The following PRKCA variants were observed in gnomAD, a reference collection of about 807,000 sequenced individuals.
The protein encoded by PRKCA is protein kinase C alpha type.
In PRKCA, 27 loss-of-function variants were observed where a neutral mutation model predicts 87.0. The ratio of observed to expected loss-of-function variants is 0.31; its 90% CI spans 0.23 to 0.43. PRKCA has a LOEUF of 0.43. PRKCA is among the 20% of genes least tolerant of loss of function. PRKCA has a pLI of 1.00. For synonymous variants in PRKCA, 329 were observed against 311.1 expected (o/e 1.06, Z -0.61); for missense variants, 518 against 852.3 (o/e 0.61, Z 4.88).
At chr17:66,746,460 C>T (rs974736754) in intron 13 of PRKCA, among the ~76,000 whole-genome samples, 10 of 151,952 alleles carry the variant, frequency 6.6e-5, no homozygotes, top group African/African-American at 9.7e-5. Flanking sequence ...AATAATATTT[C>T]GTGTGGAAAA....
At chr17:66,778,766 G>C (rs552365568) in intron 14 of PRKCA, among the ~76,000 whole-genome samples, 1 of 151,384 alleles carries the variant, frequency 6.6e-6, no homozygotes, top group Non-Finnish European at 1.5e-5. Flanking sequence ...GATCGAGCCC[G>C]GGGGGTCAAG....
At chr17:66,303,322 C>G (rs1055956850) in intron 1 of PRKCA, among the ~76,000 whole-genome samples, 1 of 152,208 alleles carries the variant, frequency 6.6e-6, no homozygotes, top group Non-Finnish European at 1.5e-5. Flanking sequence ...GCGCGCCCAC[C>G]CGCACGCACC....
chr17:66,471,394 T>G (rs1408907708), intron 2 of PRKCA, among the ~76,000 whole-genome samples: 1 of 152,078 alleles, frequency 6.6e-6, no homozygotes, highest in Non-Finnish European at 1.5e-5. Context: ...AATTAGCTTG[T>G]GAAGTCCCTC....
At chr17:66,548,791 C>T (rs1335223498) in intron 3 of PRKCA, among the ~76,000 whole-genome samples, 5 of 142,178 alleles carry the variant, frequency 3.5e-5, no homozygotes, top group Admixed American at 7.3e-5. Flanking sequence ...TAGCGCCTAC[C>T]GAATACGTTT....
At chr17:66,653,874 A>G (rs1461454023) in intron 5 of PRKCA, among the ~76,000 whole-genome samples, 1 of 151,778 alleles carries the variant, frequency 6.6e-6, no homozygotes, top group Non-Finnish European at 1.5e-5. Flanking sequence ...GTCTTTAAAT[A>G]CTGGTAGAGA....
chr17:66,459,092 A>G (rs58134548), intron 2 of PRKCA, among the ~76,000 whole-genome samples: 1 of 151,772 alleles, frequency 6.6e-6, no homozygotes, highest in African/African-American at 2.4e-5. Context: ...AGGGATAATG[A>G]TTGAGCACAC....
intron 3 of PRKCA, among the ~76,000 whole-genome samples, chr17:66,549,445 C>T (rs1533344): frequency 0.11 from 16,196 of 152,198 alleles, 973 homozygotes; most frequent in African/African-American, 0.15. Context: ...TAAGAATCAC[C>T]TGTGGCCCAG....
intron 15 of PRKCA, among the ~76,000 whole-genome samples, chr17:66,788,327 C>T (rs9896575): frequency 0.17 from 25,403 of 152,018 alleles, 3,456 homozygotes; most frequent in African/African-American, 0.37. Flanking sequence ...GTGGGCAAGT[C>T]GGAATTAACT....
intron 3 of PRKCA, among the ~76,000 whole-genome samples, chr17:66,571,075 T>A (rs1455314617): frequency 6.6e-6 from 1 of 152,244 alleles, no homozygotes; most frequent in Non-Finnish European, 1.5e-5. Context: ...AGAGGGGTTC[T>A]AATCGTGTTT....
chr17:66,568,899 T>C (rs997979661), intron 3 of PRKCA, among the ~76,000 whole-genome samples: 1 of 152,156 alleles, frequency 6.6e-6, no homozygotes, highest in Non-Finnish European at 1.5e-5. Context: ...TGGAAACTTT[T>C]TTCTGGGTCA....
At chr17:66,591,153 T>TG (rs1969791433) in intron 3 of PRKCA, among the ~76,000 whole-genome samples, 1 of 152,110 alleles carries the variant, frequency 6.6e-6, no homozygotes, top group Admixed American at 6.6e-5. Flanking sequence ...TTTACAACTT[T>TG]TTGTTGTTGT....
intron 3 of PRKCA, among the ~76,000 whole-genome samples, chr17:66,549,403 T>C (rs1341323876): frequency 6.6e-6 from 1 of 152,168 alleles, no homozygotes; most frequent in Non-Finnish European, 1.5e-5. Flanking sequence ...CTGGTGTAGC[T>C]CAGCAGGTTG....
At chr17:66,549,236 T>G (rs1477237027) in intron 3 of PRKCA, among the ~76,000 whole-genome samples, 1 of 150,706 alleles carries the variant, frequency 6.6e-6, no homozygotes, top group Non-Finnish European at 1.5e-5. Flanking sequence ...CTTAGAGAGA[T>G]GGATTAAGGT....
At chr17:66,685,890 C>T (rs1346963491) in intron 5 of PRKCA, among the ~76,000 whole-genome samples, 1 of 152,220 alleles carries the variant, frequency 6.6e-6, no homozygotes, top group Admixed American at 6.5e-5. Context: ...TCAGAATCAC[C>T]TGGAGGCTTG....
intron 2 of PRKCA, among the ~76,000 whole-genome samples, chr17:66,318,642 G>T (rs1318517971): frequency 6.6e-6 from 1 of 152,162 alleles, no homozygotes; most frequent in African/African-American, 2.4e-5. Flanking sequence ...ATTGCTTGAG[G>T]TCGGTAGTTT....
intron 3 of PRKCA, among the ~76,000 whole-genome samples, chr17:66,521,997 T>C (rs1040071286): frequency 2.0e-5 from 3 of 152,244 alleles, no homozygotes; most frequent in Non-Finnish European, 4.4e-5. Flanking sequence ...AAAGAATTCT[T>C]TCTTCAGTCT....
intron 8 of PRKCA, chr17:66,703,355 A>T (rs893502537): frequency 7.2e-5 from 11 of 151,846 alleles, no homozygotes; most frequent in African/African-American, 2.7e-4. Context: ...GCTGTCCCTC[A>T]CCTCTGCATC....
intron 2 of PRKCA, among the ~76,000 whole-genome samples, chr17:66,357,858 G>C (rs997741181): frequency 1.3e-5 from 2 of 152,172 alleles, no homozygotes; most frequent in African/African-American, 4.8e-5. Flanking sequence ...GGGAAATCTG[G>C]CTCGGATTCT....
intron 8 of PRKCA, among the ~76,000 whole-genome samples, chr17:66,702,090 GA>G (rs1181903317): frequency 6.6e-6 from 1 of 151,934 alleles, no homozygotes; most frequent in East Asian, 1.9e-4. Context: ...AATGCATAAA[GA>G]AAATGTCTGT....
Sources: allele counts gnomAD v4.1 joint callset (sites outside exome capture counted in the v4.1 genomes callset), GRCh38; gene constraint gnomAD v4.1.1; transcripts MANE v1.5; gene names NCBI Gene and HGNC (gene_info 2026-07-23, HGNC 2026-07-21).